Variants in PCDHA6 observed in about 807,000 individuals in gnomAD.
PCDHA6 encodes the protein protocadherin alpha-6.
In PCDHA6, 55 loss-of-function variants were observed where a neutral mutation model predicts 60.3. That is an observed-to-expected ratio of 0.91 (90% CI 0.73 to 1.14). The LOEUF is 1.14. PCDHA6 is among the 50% of genes most tolerant of loss of function. The pLI, the probability that PCDHA6 is intolerant of heterozygous loss-of-function variation, is 0.00. For synonymous variants in PCDHA6, 652 were observed against 557.9 expected, an observed-to-expected ratio of 1.17 and a Z score of -2.38; for missense variants, 1,327 against 1,256.5, an observed-to-expected ratio of 1.06 and a Z score of -0.85.
intron 1 of PCDHA6, chr5:140,884,564 A>C: frequency 6.2e-7 from 1 of 1,614,118 alleles, no homozygotes; most frequent in Non-Finnish European, 8.5e-7. Flanking sequence ...GGGCCCGCAT[A>C]AGACGGACCT....
At chr5:140,919,982 G>GA (rs35005979) in intron 1 of PCDHA6, among the ~76,000 whole-genome samples, 49,705 of 152,056 alleles carry the variant, frequency 0.33, 8,403 homozygotes, top group East Asian at 0.53. Flanking sequence ...GATAGAAGAT[G>GA]GAAAACAGAC....
At chr5:140,835,661 C>T (rs782249131) in intron 1 of PCDHA6, 1 of 1,613,886 alleles carries the variant, frequency 6.2e-7, no homozygotes, top group Non-Finnish European at 8.5e-7. Context: ...TGGTGGTTAC[C>T]GCGCGGGACG....
intron 1 of PCDHA6, among the ~76,000 whole-genome samples, chr5:140,920,418 G>C (rs1355987486): frequency 6.6e-6 from 1 of 151,868 alleles, no homozygotes; most frequent in Non-Finnish European, 1.5e-5. Flanking sequence ...AGATACAGCT[G>C]TTCTCCCACA....
chr5:140,883,126 G>A (rs781992873), intron 1 of PCDHA6: 2 of 1,614,036 alleles, frequency 1.2e-6, no homozygotes, highest in South Asian at 1.1e-5. Context: ...GGCCTGTATG[G>A]CCTGCAGTGG....
chr5:140,841,839 G>A, intron 1 of PCDHA6: 1 of 1,613,898 alleles, frequency 6.2e-7, no homozygotes, highest in Middle Eastern at 1.6e-4. Context: ...TACAGGCTTA[G>A]CTCTCATGAT....
At chr5:140,915,479 G>T (rs1170530979) in intron 1 of PCDHA6, among the ~76,000 whole-genome samples, 1 of 151,948 alleles carries the variant, frequency 6.6e-6, no homozygotes, top group African/African-American at 2.4e-5. Flanking sequence ...AAGGAGCTTG[G>T]GCCTCAATCC....
intron 2 of PCDHA6, among the ~76,000 whole-genome samples, chr5:140,981,605 C>CT (rs1444386694): frequency 1.1e-4 from 17 of 152,174 alleles, no homozygotes; most frequent in African/African-American, 2.9e-4. Context: ...AAATGTTCCT[C>CT]TAATTTTGAT....
chr5:140,844,634 A>G (rs1352743996), intron 1 of PCDHA6, among the ~76,000 whole-genome samples: 1 of 149,578 alleles, frequency 6.7e-6, no homozygotes, highest in Non-Finnish European at 1.5e-5. Flanking sequence ...AAAACTATAC[A>G]TGATAATTTC....
intron 1 of PCDHA6, among the ~76,000 whole-genome samples, chr5:140,845,321 T>A (rs1395146345): frequency 6.7e-6 from 1 of 149,684 alleles, no homozygotes; most frequent in Non-Finnish European, 1.5e-5. Context: ...AGGTATTACT[T>A]TAATTACTGA....
chr5:140,875,329 T>C, intron 1 of PCDHA6: 1 of 1,437,476 alleles, frequency 7.0e-7, no homozygotes, highest in Non-Finnish European at 9.1e-7. Flanking sequence ...ATTCACGGAA[T>C]AGGATCGACT....
At chr5:140,999,049 A>G (rs962383659) in intron 3 of PCDHA6, among the ~76,000 whole-genome samples, 2 of 152,332 alleles carry the variant, frequency 1.3e-5, no homozygotes, top group Non-Finnish European at 2.9e-5. Context: ...TGTGCTTTCC[A>G]CCATGCCTAA....
At chr5:140,924,895 AAAAAAAAAAAT>A (rs1321698386) in intron 1 of PCDHA6, among the ~76,000 whole-genome samples, 1,704 of 132,168 alleles carry the variant, frequency 0.013, 31 homozygotes, top group African/African-American at 0.056. Flanking sequence ...AACCTGTCTC[AAAAAAAAAAAT>A]AAAATAAAAT....
chr5:140,850,756 G>A (rs2150497273), intron 1 of PCDHA6: 1 of 1,598,098 alleles, frequency 6.3e-7, no homozygotes, highest in Non-Finnish European at 8.6e-7. Context: ...TCGCAGCAGA[G>A]GAGGCAGAGG....
chr5:140,834,229 T>C, intron 1 of PCDHA6: 1 of 716,748 alleles, frequency 1.4e-6, no homozygotes, highest in South Asian at 2.1e-5. Flanking sequence ...CAAAAGGAAG[T>C]CATTCCTTTT....
chr5:140,829,952 C>T lies in PCDHA6; in HGVS notation c.1861C>T (p.Pro621Ser). 3.1e-6 allele frequency: 5 copies of T among 1,614,008 alleles called. No individual in the cohort carries two copies. The highest frequency in any genetic ancestry group is 1.3e-5 in the African/African-American group (1 of 75,066). Residue 621 changes from proline to serine, a missense_variant, in exon 1 of 4, where the codon CCG (proline) becomes TCG (serine). Pro to Ser is a moderately conservative substitution (Grantham distance 74). Transcript: ENST00000529310. ...GCCCCCGGCAAGCAGCGCTCGCTTC[C>T]CGTTTCGCGTGGGGCTGTACACGGG... ...LQPPASSARF[P>S]FRVGLYTGEI...
chr5:140,987,008 G>T (rs958548514), intron 3 of PCDHA6, among the ~76,000 whole-genome samples: 1 of 152,142 alleles, frequency 6.6e-6, no homozygotes, highest in Non-Finnish European at 1.5e-5. Context: ...GAGGTCATGA[G>T]TTCGAGACCA....
intron 1 of PCDHA6, chr5:140,858,228 A>T: frequency 6.3e-7 from 1 of 1,595,134 alleles, no homozygotes; most frequent in Non-Finnish European, 8.6e-7. Flanking sequence ...GCGCCCACCG[A>T]GGGCGCATGT....
intron 1 of PCDHA6, among the ~76,000 whole-genome samples, chr5:140,945,070 C>T (rs2093734077): frequency 6.6e-6 from 1 of 151,960 alleles, no homozygotes; most frequent in African/African-American, 2.4e-5. Context: ...ACAGACTCCA[C>T]CAAAACACTC....
chr5:140,948,029 T>A (rs1372869400), intron 1 of PCDHA6, among the ~76,000 whole-genome samples: 1 of 151,594 alleles, frequency 6.6e-6, no homozygotes, highest in African/African-American at 2.4e-5. Flanking sequence ...TCTGGTTTGC[T>A]CAGAGTTTTA....
Sources: gnomAD v4.1 joint callset for allele counts (sites outside exome capture counted in the v4.1 genomes callset) on GRCh38, gnomAD v4.1.1 for gene constraint, MANE v1.5 for transcripts, NCBI Gene and HGNC (gene_info 2026-07-23, HGNC 2026-07-21) for gene names.